PARD3: variants seen among roughly 807,000 people sequenced by gnomAD.
PARD3 encodes partitioning defective 3 homolog.
A neutral mutation model predicts 155.4 loss-of-function variants in PARD3; 75 were observed. The ratio of observed to expected loss-of-function variants is 0.48; its 90% CI spans 0.40 to 0.58. PARD3 has a LOEUF of 0.58. Among genes scored for constraint, PARD3 ranks in the 20% least tolerant of loss-of-function variants. PARD3 has a pLI of 0.00. For missense variants in PARD3, 1,642 were observed against 1,721.7 expected, an observed-to-expected ratio of 0.95 and a Z score of 0.82; for synonymous variants, 576 against 610.5, an observed-to-expected ratio of 0.94 and a Z score of 0.83.
At chr10:34,548,064 G>A (rs893493667) in intron 2 of PARD3, among the ~76,000 whole-genome samples, 13 of 152,116 alleles carry the variant, frequency 8.5e-5, no homozygotes, top group African/African-American at 3.1e-4. Flanking sequence ...TAGCAGTTAG[G>A]CTATACTTCA....
chr10:34,569,815 C>A (rs998631355), intron 2 of PARD3, among the ~76,000 whole-genome samples: 1 of 150,582 alleles, frequency 6.6e-6, no homozygotes, highest in Non-Finnish European at 1.5e-5. Context: ...AGGAAAAAAA[C>A]GCTAAAGTCA....
At chr10:34,813,533 G>A (rs1844484426) in intron 1 of PARD3, among the ~76,000 whole-genome samples, 1 of 152,154 alleles carries the variant, frequency 6.6e-6, no homozygotes, top group South Asian at 2.1e-4. Context: ...CAACTGTAAG[G>A]AACATAACAG....
At chr10:34,262,207 A>G (rs1158206716) in intron 22 of PARD3, among the ~76,000 whole-genome samples, 1 of 152,140 alleles carries the variant, frequency 6.6e-6, no homozygotes, top group Non-Finnish European at 1.5e-5. Flanking sequence ...GTCTTTCTAC[A>G]TATGCTTAAA....
intron 3 of PARD3, among the ~76,000 whole-genome samples, chr10:34,485,628 A>G (rs2079401771): frequency 6.6e-6 from 1 of 152,198 alleles, no homozygotes; most frequent in African/African-American, 2.4e-5. Context: ...ATAAACAGAA[A>G]GGAGTATCTG....
chr10:34,495,981 T>A (rs180685790), intron 3 of PARD3, among the ~76,000 whole-genome samples: 18 of 152,082 alleles, frequency 1.2e-4, no homozygotes, highest in African/African-American at 4.1e-4. Context: ...GGTGGGTGGA[T>A]CACTTGAGCT....
chr10:34,576,558 T>C (rs1434900032), intron 2 of PARD3, among the ~76,000 whole-genome samples: 1 of 152,050 alleles, frequency 6.6e-6, no homozygotes, highest in East Asian at 1.9e-4. Flanking sequence ...TATAAAATTA[T>C]AGGTAAGCAG....
intron 2 of PARD3, among the ~76,000 whole-genome samples, chr10:34,620,222 C>T (rs970805833): frequency 6.6e-6 from 1 of 152,168 alleles, no homozygotes; most frequent in Non-Finnish European, 1.5e-5. Context: ...GAAGACATCA[C>T]CCACCTCCCT....
At chr10:34,235,214 G>T (rs1410865232) in intron 22 of PARD3, among the ~76,000 whole-genome samples, 1 of 152,110 alleles carries the variant, frequency 6.6e-6, no homozygotes, top group Non-Finnish European at 1.5e-5. Context: ...AAATTATTAT[G>T]TTATAGAACT....
intron 22 of PARD3, among the ~76,000 whole-genome samples, chr10:34,204,147 T>C (rs940425388): frequency 2.2e-4 from 34 of 152,194 alleles, no homozygotes; most frequent in African/African-American, 8.0e-4. Context: ...GTTGACAGTA[T>C]TGATGTTAAT....
At chr10:34,681,730 T>TTTTA (rs1344348436) in intron 2 of PARD3, among the ~76,000 whole-genome samples, 34 of 29,972 alleles carry the variant, frequency 1.1e-3, no homozygotes, top group South Asian at 8.4e-3. Context: ...CGTATGTATT[T>TTTTA]TATATATATA....
rs191557746 is a variant in PARD3 at position 34,496,368 on chromosome 10, T to G, written c.403+20611A>C. Among the ~76,000 whole-genome samples the G allele has an allele frequency of 1.1e-4, 17 of 152,248 alleles. 1 individual carries two copies. The East Asian group carries it at 2.7e-3, about 24-fold the overall frequency. ...GTTTCTGTTTATAGAAATATTCCCC[T>G]ACTAAATAAAGGAATTACAGTAATA... On this transcript the variant is annotated intron_variant, in intron 3 of 24. Coordinates refer to ENST00000374788, the MANE Select transcript of PARD3 (RefSeq NM_001184785.2).
intron 2 of PARD3, among the ~76,000 whole-genome samples, chr10:34,547,083 T>C (rs1375789642): frequency 6.6e-6 from 1 of 152,240 alleles, no homozygotes; most frequent in East Asian, 1.9e-4. Flanking sequence ...CAACGGCTGA[T>C]GAAACTTAAA....
At chr10:34,647,214 A>G (rs2092867543) in intron 2 of PARD3, among the ~76,000 whole-genome samples, 1 of 152,188 alleles carries the variant, frequency 6.6e-6, no homozygotes. Context: ...AATGTTCATT[A>G]TTTATTATAA....
At chr10:34,807,044 G>A (rs781099021) in intron 1 of PARD3, among the ~76,000 whole-genome samples, 3 of 152,228 alleles carry the variant, frequency 2.0e-5, no homozygotes, top group Non-Finnish European at 4.4e-5. Context: ...CTGCACAAAG[G>A]TAGCTGGCGA....
chr10:34,156,953 GA>G (rs200936419), intron 22 of PARD3, among the ~76,000 whole-genome samples: 1 of 151,636 alleles, frequency 6.6e-6, no homozygotes, highest in Admixed American at 6.6e-5. Context: ...AAAAGGAGGG[GA>G]AAAAAAACCC....
intron 1 of PARD3, among the ~76,000 whole-genome samples, chr10:34,697,282 C>T (rs949451915): frequency 6.6e-6 from 1 of 152,294 alleles, no homozygotes; most frequent in Non-Finnish European, 1.5e-5. Flanking sequence ...GCATGTTTCA[C>T]CATTCCCTAC....
intron 1 of PARD3, among the ~76,000 whole-genome samples, chr10:34,741,643 C>T (rs930798381): frequency 3.9e-5 from 6 of 152,130 alleles, no homozygotes; most frequent in African/African-American, 1.2e-4. Flanking sequence ...AAGAGAATGC[C>T]CTGCTGTCAG....
intron 12 of PARD3, among the ~76,000 whole-genome samples, chr10:34,364,035 A>G (rs1450591015): frequency 3.9e-5 from 6 of 152,180 alleles, no homozygotes; most frequent in Admixed American, 3.9e-4. Context: ...GGGCACCATC[A>G]TGGCCCCCTT....
At chr10:34,326,525 G>T (rs190917923) in intron 19 of PARD3, among the ~76,000 whole-genome samples, 1 of 152,180 alleles carries the variant, frequency 6.6e-6, no homozygotes, top group African/African-American at 2.4e-5. Flanking sequence ...TAGATTTACT[G>T]TAATCCACTG....
Sources: gnomAD v4.1 joint callset for allele counts (sites outside exome capture counted in the v4.1 genomes callset) on GRCh38, gnomAD v4.1.1 for gene constraint, MANE v1.5 for transcripts, NCBI Gene and HGNC (gene_info 2026-07-23, HGNC 2026-07-21) for gene names.